Variants in KDM4B observed in about 807,000 individuals in gnomAD.
KDM4B encodes lysine demethylase 4B.
A neutral mutation model predicts 125.2 loss-of-function variants in KDM4B; 32 were observed. That is an observed-to-expected ratio of 0.26 (90% CI 0.19 to 0.34). KDM4B has a LOEUF of 0.34. KDM4B is among the 10% of genes least tolerant of loss of function. The probability of loss-of-function intolerance (pLI) is 1.00; values close to 1 mark genes in which losing one functional copy is unlikely to be tolerated. For missense variants in KDM4B, 1,190 were observed against 1,577.7 expected (o/e 0.75, Z 4.16); for synonymous variants, 721 against 677.9 (o/e 1.06, Z -0.99).
rs2039812543 is a variant in KDM4B, at chr19:5,144,791, C to G, written c.2910C>G (p.Asp970Glu). 1 of 1,613,384 alleles carries G rather than the reference C, an allele frequency of 6.2e-7. No individual in the cohort carries two copies. The highest frequency in any genetic ancestry group is 8.5e-7 in the Non-Finnish European group (1 of 1,179,934). Residue 970 changes from aspartate (D) to glutamate (E), a missense_variant, in exon 21 of 23, where the codon GAC becomes GAG. Asp to Glu is a conservative substitution (Grantham distance 45). Transcript: ENST00000159111. ...NLYPESITSR[D>E]CVQLGPPSEG... ...ACCTCTTCTCCCTGCAGAGTAGGGA[C>G]TGTGTCCAGCTGGGACCCCCTTCCG...
chr19:5,058,787 C>T (rs530021934), intron 6 of KDM4B, among the ~76,000 whole-genome samples: 1 of 152,306 alleles, frequency 6.6e-6, no homozygotes, highest in South Asian at 2.1e-4. Context: ...CACGCTGGCT[C>T]GTGTCGCTTG....
chr19:5,111,312 C>A, intron 10 of KDM4B: 2 of 725,638 alleles, frequency 2.8e-6, no homozygotes, highest in South Asian at 2.9e-5. Context: ...GATTTGAGAT[C>A]GTGGAGAGGA....
chr19:5,065,827 C>T (rs2037751685), intron 6 of KDM4B, among the ~76,000 whole-genome samples: 1 of 152,236 alleles, frequency 6.6e-6, no homozygotes, highest in Admixed American at 6.5e-5. Context: ...GCCCACCCGT[C>T]GCCAGGAGCC....
rs113687943 is a variant in KDM4B at position 5,077,662 on chromosome 19, C to T, written c.780+192C>T. 14 of 569,790 alleles carry T rather than the reference C, an allele frequency of 2.5e-5. 3 individuals are homozygous for T. The highest frequency in any genetic ancestry group is 1.3e-4 in the African/African-American group (7 of 53,136). 35.3% of individuals were successfully genotyped at this position (569,790 alleles called of 1,614,324 possible). ...CTCTTCCACGGGGAAGCGAAGATGG[C>T]AGAGCTTGAATCTGGCGGGGTGTTA... On this transcript the variant is annotated intron_variant, in intron 8 of 22. Transcript: ENST00000159111.
intron 21 of KDM4B, among the ~76,000 whole-genome samples, chr19:5,148,358 G>A (rs749093769): frequency 1.4e-3 from 207 of 152,326 alleles, no homozygotes; most frequent in Middle Eastern, 0.01. Context: ...TTTCCCTGGA[G>A]CCCACTTGGA....
chr19:5,110,740 G>T lies in KDM4B; in HGVS notation c.1037G>T (p.Arg346Leu), dbSNP rs577391084. 9 of 1,611,778 alleles carry T rather than the reference G, an allele frequency of 5.6e-6. No homozygotes were observed. The East Asian group carries it at 1.8e-4, about 32-fold the overall frequency. Residue 346 changes from arginine to leucine, a missense_variant, in exon 10 of 23, where the codon CGG (arginine) becomes CTG (leucine). This residue lies in a region of KDM4B where 428 missense variants were observed against 405.1 expected (regional missense o/e 1.06). Transcript: ENST00000159111. Reference sequence around the variant, plus strand: ...GACCTCACGGTGCTGGACCACACGCGGCCCACGGCGCTCACCAGCCCCGAG... The same window carrying T: ...GACCTCACGGTGCTGGACCACACGCTGCCCACGGCGCTCACCAGCCCCGAG... ...GKDLTVLDHT[R>L]PTALTSPELS...
intron 7 of KDM4B, chr19:5,075,497 TG>T (rs2038076880): frequency 6.6e-6 from 1 of 152,178 alleles, no homozygotes; most frequent in South Asian, 2.1e-4. Context: ...TTTGTAGAGA[TG>T]GGGTCTTGTG....
At chr19:5,031,634 A>G (rs1044912305) in intron 2 of KDM4B, among the ~76,000 whole-genome samples, 2 of 152,188 alleles carry the variant, frequency 1.3e-5, no homozygotes, top group Non-Finnish European at 2.9e-5. Context: ...TGCTGCAGGC[A>G]GGGTATGGGG....
At chr19:5,008,946 C>T (rs575600574) in intron 1 of KDM4B, among the ~76,000 whole-genome samples, 11 of 126,086 alleles carry the variant, frequency 8.7e-5, no homozygotes, top group South Asian at 2.6e-4. Context: ...GACAGAGTTT[C>T]GCTGTGTTGC....
At chr19:5,011,830 T>C (rs1239831390) in intron 1 of KDM4B, among the ~76,000 whole-genome samples, 3 of 152,204 alleles carry the variant, frequency 2.0e-5, no homozygotes, top group Non-Finnish European at 4.4e-5. Context: ...TGGGGGGTTC[T>C]TGGGGGCCAA....
At chr19:5,006,543 C>T (rs966909084) in intron 1 of KDM4B, among the ~76,000 whole-genome samples, 1 of 152,134 alleles carries the variant, frequency 6.6e-6, no homozygotes, top group African/African-American at 2.4e-5. Flanking sequence ...GAGGCCGAGG[C>T]AGGTGGATCC....
chr19:5,008,591 CTTTTTTT>C (rs550611814), intron 1 of KDM4B, among the ~76,000 whole-genome samples: 4 of 135,550 alleles, frequency 3.0e-5, no homozygotes, highest in Non-Finnish European at 4.8e-5. Flanking sequence ...TTTTCTTTTT[CTTTTTTT>C]TTTTTTTTTT....
intron 1 of KDM4B, among the ~76,000 whole-genome samples, chr19:4,992,654 T>A (rs1240630320): frequency 6.6e-6 from 1 of 152,182 alleles, no homozygotes; most frequent in Non-Finnish European, 1.5e-5. Context: ...CTCACTATAT[T>A]TCCCCAGGCT....
chr19:5,046,132 G>C (rs2037017880), intron 5 of KDM4B, among the ~76,000 whole-genome samples: 1 of 152,212 alleles, frequency 6.6e-6, no homozygotes, highest in African/African-American at 2.4e-5. Context: ...CCTGCACTTG[G>C]CCTGTAGTGA....
chr19:4,974,921 T>C (rs1198695133), intron 1 of KDM4B, among the ~76,000 whole-genome samples: 2 of 152,022 alleles, frequency 1.3e-5, no homozygotes, highest in African/African-American at 2.4e-5. Context: ...TTTCCTCCCT[T>C]TCTTCCTCCT....
chr19:5,080,668 T>G (rs1338848797), intron 8 of KDM4B: 1 of 152,254 alleles, frequency 6.6e-6, no homozygotes, highest in Admixed American at 6.5e-5. Flanking sequence ...GCATGTACCC[T>G]GTGCCCCAGC....
intron 15 of KDM4B, 150 bp downstream of exon 15, chr19:5,135,711 G>C (rs1000643535): frequency 3.1e-6 from 2 of 654,818 alleles, no homozygotes; most frequent in Non-Finnish European, 5.2e-6. Flanking sequence ...GGCCTCCCCC[G>C]GTGACTTCCT....
Position 4,971,999 on chromosome 19 carries a change from G to GCCGTCCTCATCCA in KDM4B, c.-109+2771_-109+2783dup, listed in dbSNP as rs1283486368. On this transcript the variant is annotated intron_variant, in intron 1 of 22. Coordinates refer to ENST00000159111, the MANE Select transcript of KDM4B (RefSeq NM_015015.3). This position sits in a 1 kb window ranked among gnomAD's most constrained non-coding sequence, Gnocchi z 4.1. ...CACTGGTCACCGCCATGACAGATCG[G>GCCGTCCTCATCCA]CCGTCCTCATCCACAGCCTCACCCT... Among the ~76,000 whole-genome samples, 5 of 152,188 alleles carry GCCGTCCTCATCCA rather than the reference G, an allele frequency of 3.3e-5. No individual in the cohort carries two copies. Among genetic ancestry groups the GCCGTCCTCATCCA allele is most frequent in the Non-Finnish European group, 5.9e-5 (4 of 68,036 alleles).
intron 9 of KDM4B, among the ~76,000 whole-genome samples, chr19:5,088,676 G>T (rs988343268): frequency 1.4e-3 from 34 of 24,758 alleles, no homozygotes; most frequent in African/African-American, 3.5e-3. Context: ...CCCCCCCCCC[G>T]CAAAAGAGCA....
Sources: gnomAD v4.1 joint callset for allele counts (sites outside exome capture counted in the v4.1 genomes callset) on GRCh38, gnomAD v4.1.1 for gene constraint, gnomAD v4.1.1 regional missense constraint, Gnocchi (gnomAD v3.1) non-coding constraint, MANE v1.5 for transcripts, NCBI Gene and HGNC (gene_info 2026-07-23, HGNC 2026-07-21) for gene names.